The following RPS6KC1 variants were observed in gnomAD, a reference collection of about 807,000 sequenced individuals.
The protein encoded by RPS6KC1 is inactive ribosomal protein S6 kinase delta-1.
RPS6KC1 carries 54 observed loss-of-function variants against 103.8 expected under a neutral mutation model. The ratio of observed to expected loss-of-function variants is 0.52; its 90% confidence interval spans 0.42 to 0.65. The LOEUF (loss-of-function observed/expected upper bound fraction) is 0.65, where lower values mean the gene tolerates loss of function less well. Ranked by LOEUF, RPS6KC1 falls within the 30% of genes least tolerant of loss-of-function variation. The pLI, the probability that RPS6KC1 is intolerant of heterozygous loss-of-function variation, is 0.00. For synonymous variants in RPS6KC1, 439 were observed against 438.7 expected (o/e 1.00, Z -0.01); for missense variants, 1,151 against 1,253.8 (o/e 0.92, Z 1.24).
intron 14 of RPS6KC1, among the ~76,000 whole-genome samples, chr1:213,264,581 G>C (rs2094873086): frequency 6.6e-6 from 1 of 152,044 alleles, no homozygotes; most frequent in Non-Finnish European, 1.5e-5. Context: ...TTAAGATATG[G>C]TAAGTCCCCA....
chr1:213,056,237 G>A (rs1249899590), intron 1 of RPS6KC1, among the ~76,000 whole-genome samples: 1 of 152,128 alleles, frequency 6.6e-6, no homozygotes, highest in Admixed American at 6.5e-5. Context: ...GGCCCGGTGA[G>A]TAGGTACCAT....
chr1:213,093,684 A>G (rs927365440), intron 3 of RPS6KC1, among the ~76,000 whole-genome samples: 1 of 152,030 alleles, frequency 6.6e-6, no homozygotes, highest in African/African-American at 2.4e-5. Context: ...TCTGTTAACT[A>G]TTTACTGCCA....
At chr1:213,685,740 G>A in the RPS6KC1 span, among the ~76,000 whole-genome samples, 1 of 151,994 alleles carries the variant, frequency 6.6e-6, no homozygotes, top group South Asian at 2.1e-4. Context: ...CTGTTAAAAT[G>A]CTAGTTATTC....
chr1:213,094,654 C>A (rs1030407061), intron 3 of RPS6KC1, among the ~76,000 whole-genome samples: 4 of 152,172 alleles, frequency 2.6e-5, no homozygotes, highest in African/African-American at 9.7e-5. Flanking sequence ...ACTGGCCAGG[C>A]ACTATATTGG....
At chr1:213,206,773 A>G (rs1356106398) in intron 8 of RPS6KC1, among the ~76,000 whole-genome samples, 1 of 152,140 alleles carries the variant, frequency 6.6e-6, no homozygotes, top group Non-Finnish European at 1.5e-5. Flanking sequence ...TTTGTTAAAT[A>G]TTTTTGGATC....
chr1:213,424,785 G>C, the RPS6KC1 span, among the ~76,000 whole-genome samples: 1 of 152,356 alleles, frequency 6.6e-6, no homozygotes, highest in Admixed American at 6.5e-5. Flanking sequence ...ACTTCAAGAA[G>C]CAGGATGAGG....
chr1:213,220,836 T>A (rs185084012), intron 8 of RPS6KC1, among the ~76,000 whole-genome samples: 7 of 152,336 alleles, frequency 4.6e-5, no homozygotes, highest in Non-Finnish European at 8.8e-5. Flanking sequence ...TATAGTTAGA[T>A]TCTTGAGATT....
the RPS6KC1 span, among the ~76,000 whole-genome samples, chr1:213,853,757 T>G: frequency 1.3e-5 from 2 of 152,228 alleles, no homozygotes; most frequent in African/African-American, 4.8e-5. Context: ...GGATTCAGGT[T>G]GGATTGATGG....
chr1:213,127,337 T>G (rs769166734), intron 5 of RPS6KC1, among the ~76,000 whole-genome samples: 1 of 152,214 alleles, frequency 6.6e-6, no homozygotes, highest in African/African-American at 2.4e-5. Context: ...CACATACTTA[T>G]AAAACCAATG....
intron 2 of RPS6KC1, among the ~76,000 whole-genome samples, chr1:213,074,843 A>AT (rs752747801): frequency 0.07 from 4,950 of 71,092 alleles, 1,001 homozygotes; most frequent in African/African-American, 0.16. Flanking sequence ...ACTAGAATAA[A>AT]TTTTTTTTTT....
the RPS6KC1 span, among the ~76,000 whole-genome samples, chr1:213,458,458 G>A: frequency 6.6e-6 from 1 of 152,142 alleles, no homozygotes; most frequent in South Asian, 2.1e-4. Flanking sequence ...ACTGCAGAGA[G>A]CACACAAGTA....
the RPS6KC1 span, among the ~76,000 whole-genome samples, chr1:213,351,963 T>C: frequency 6.6e-6 from 1 of 152,080 alleles, no homozygotes; most frequent in Non-Finnish European, 1.5e-5. Flanking sequence ...GGGAGGACAC[T>C]TCAGGATTTT....
At chr1:213,350,166 T>C in the RPS6KC1 span, among the ~76,000 whole-genome samples, 1 of 152,168 alleles carries the variant, frequency 6.6e-6, no homozygotes, top group East Asian at 1.9e-4. Context: ...GGGGTGATGT[T>C]ATGATTCAGA....
the RPS6KC1 span, among the ~76,000 whole-genome samples, chr1:213,330,412 C>T: frequency 1.3e-5 from 2 of 152,164 alleles, no homozygotes; most frequent in African/African-American, 4.8e-5. Context: ...GACATGTAAA[C>T]AATGAGCTTA....
chr1:213,178,039 C>CA (rs1370677285), intron 8 of RPS6KC1, among the ~76,000 whole-genome samples: 1 of 149,896 alleles, frequency 6.7e-6, no homozygotes, highest in African/African-American at 2.5e-5. Flanking sequence ...CCTGCGTCTA[C>CA]AAAAAAAGAA....
chr1:213,263,182 TCTTA>T (rs757914808), intron 14 of RPS6KC1, among the ~76,000 whole-genome samples: 37 of 152,196 alleles, frequency 2.4e-4, no homozygotes, highest in Non-Finnish European at 4.0e-4. Context: ...AATTTTTAAT[TCTTA>T]CTTATAAGTT....
the RPS6KC1 span, among the ~76,000 whole-genome samples, chr1:213,728,509 C>A: frequency 6.6e-6 from 1 of 152,106 alleles, no homozygotes; most frequent in Non-Finnish European, 1.5e-5. Context: ...CAGCCCTACC[C>A]GCTACAGGAT....
At chr1:213,281,521 G>A in the RPS6KC1 span, among the ~76,000 whole-genome samples, 2 of 152,168 alleles carry the variant, frequency 1.3e-5, no homozygotes, top group Non-Finnish European at 2.9e-5. Flanking sequence ...CCCCATTCCT[G>A]TGAGCAGAAC....
chr1:213,124,256 G>T (rs1215725678), intron 5 of RPS6KC1, among the ~76,000 whole-genome samples: 1 of 152,140 alleles, frequency 6.6e-6, no homozygotes, highest in African/African-American at 2.4e-5. Flanking sequence ...TGCCTTGATG[G>T]TGTTGGTGAA....
Sources: allele counts gnomAD v4.1 joint callset (sites outside exome capture counted in the v4.1 genomes callset), GRCh38; gene constraint gnomAD v4.1.1; transcripts MANE v1.5; gene names NCBI Gene and HGNC (gene_info 2026-07-23, HGNC 2026-07-21).